The following KHDRBS2 variants were observed in gnomAD, a reference collection of about 807,000 sequenced individuals.
KHDRBS2 encodes the protein KH domain-containing, RNA-binding, signal transduction-associated protein 2.
A neutral mutation model predicts 44.3 loss-of-function variants in KHDRBS2; 26 were observed. That is an observed-to-expected ratio of 0.59 (90% CI 0.43 to 0.81). The LOEUF is 0.81. KHDRBS2 is among the 40% of genes least tolerant of loss of function. KHDRBS2 has a pLI of 0.00. For missense variants in KHDRBS2, 476 were observed against 433.1 expected, an observed-to-expected ratio of 1.10 and a Z score of -0.88; for synonymous variants, 194 against 151.1, an observed-to-expected ratio of 1.28 and a Z score of -2.08.
chr6:61,711,950 C>T (rs538097568), intron 7 of KHDRBS2, among the ~76,000 whole-genome samples: 64 of 151,800 alleles, frequency 4.2e-4, no homozygotes, highest in African/African-American at 1.2e-3. Flanking sequence ...CTTTTGGTTT[C>T]GCTGGAAGTT....
intron 4 of KHDRBS2, among the ~76,000 whole-genome samples, chr6:61,967,031 A>G (rs1158067129): frequency 2.6e-5 from 4 of 151,820 alleles, no homozygotes; most frequent in African/African-American, 9.7e-5. Flanking sequence ...AAAATTATGT[A>G]TATTTTTAAC....
At chr6:61,770,061 T>C (rs1299399552) in intron 6 of KHDRBS2, among the ~76,000 whole-genome samples, 1 of 152,142 alleles carries the variant, frequency 6.6e-6, no homozygotes, top group African/African-American at 2.4e-5. Flanking sequence ...CCGCTGCTGA[T>C]ACCCAGGCAA....
chr6:62,083,413 C>T (rs1016789417), intron 2 of KHDRBS2, among the ~76,000 whole-genome samples: 1 of 152,164 alleles, frequency 6.6e-6, no homozygotes, highest in Non-Finnish European at 1.5e-5. Flanking sequence ...TTCATTTGTG[C>T]AACCTGATTC....
intron 6 of KHDRBS2, among the ~76,000 whole-genome samples, chr6:61,842,760 T>G (rs1017291362): frequency 1.3e-5 from 2 of 152,074 alleles, no homozygotes; most frequent in African/African-American, 4.8e-5. Context: ...ACACAAAATC[T>G]TGTACACAAA....
At chr6:61,952,061 T>G (rs900445333) in intron 4 of KHDRBS2, among the ~76,000 whole-genome samples, 2 of 152,092 alleles carry the variant, frequency 1.3e-5, no homozygotes, top group Admixed American at 1.3e-4. Flanking sequence ...CTGTATTTAT[T>G]TGATGATAAT....
At chr6:61,975,551 C>G (rs1228578483) in intron 4 of KHDRBS2, among the ~76,000 whole-genome samples, 1 of 151,896 alleles carries the variant, frequency 6.6e-6, no homozygotes. Flanking sequence ...AAATTTATGA[C>G]TTTCATTGAT....
chr6:61,773,161 T>A (rs994217593), intron 6 of KHDRBS2, among the ~76,000 whole-genome samples: 1 of 152,018 alleles, frequency 6.6e-6, no homozygotes, highest in African/African-American at 2.4e-5. Context: ...TACCCAGTAA[T>A]GGGATGGCTG....
chr6:61,745,388 T>C (rs1203294973), intron 6 of KHDRBS2, among the ~76,000 whole-genome samples: 1 of 152,194 alleles, frequency 6.6e-6, no homozygotes, highest in Non-Finnish European at 1.5e-5. Flanking sequence ...ACCCAGTTAA[T>C]GAACAGAACT....
chr6:61,555,490 C>T, the KHDRBS2 span, among the ~76,000 whole-genome samples: 9 of 152,118 alleles, frequency 5.9e-5, no homozygotes, highest in Non-Finnish European at 1.3e-4. Context: ...TTTCTATCTT[C>T]TGAATTCTAT....
intron 3 of KHDRBS2, among the ~76,000 whole-genome samples, chr6:62,041,471 C>T (rs1344724255): frequency 6.6e-6 from 1 of 152,030 alleles, no homozygotes; most frequent in Non-Finnish European, 1.5e-5. Flanking sequence ...TTTCTATTTT[C>T]ATACATTCTT....
chr6:62,083,229 G>A (rs532753776), intron 2 of KHDRBS2, among the ~76,000 whole-genome samples: 1 of 152,060 alleles, frequency 6.6e-6, no homozygotes, highest in Non-Finnish European at 1.5e-5. Flanking sequence ...CTTAACATCG[G>A]TGAGAAGCAG....
At chr6:62,238,581 T>C (rs1207541574) in intron 1 of KHDRBS2, among the ~76,000 whole-genome samples, 1 of 152,098 alleles carries the variant, frequency 6.6e-6, no homozygotes, top group African/African-American at 2.4e-5. Flanking sequence ...TGTGAAAACA[T>C]GTAATTATTA....
the KHDRBS2 span, among the ~76,000 whole-genome samples, chr6:61,664,326 G>T: frequency 6.6e-6 from 1 of 151,668 alleles, no homozygotes; most frequent in African/African-American, 2.4e-5. Flanking sequence ...GGATATAGCA[G>T]TATTATATTT....
At chr6:62,065,812 C>G (rs1793532430) in intron 2 of KHDRBS2, among the ~76,000 whole-genome samples, 1 of 150,566 alleles carries the variant, frequency 6.6e-6, no homozygotes, top group South Asian at 2.1e-4. Context: ...CATGTTTTAC[C>G]AAAATAACAA....
intron 2 of KHDRBS2, among the ~76,000 whole-genome samples, chr6:62,070,256 G>A (rs1373546939): frequency 6.6e-6 from 1 of 151,092 alleles, no homozygotes; most frequent in Non-Finnish European, 1.5e-5. Flanking sequence ...TTGATATATA[G>A]TTTTCTTTTT....
intron 2 of KHDRBS2, among the ~76,000 whole-genome samples, chr6:62,153,314 T>C (rs964703809): frequency 1.3e-5 from 2 of 152,138 alleles, no homozygotes; most frequent in African/African-American, 2.4e-5. Flanking sequence ...TGTCTGTTTA[T>C]TGTAAAATAA....
At chr6:61,964,610 G>T (rs1362442583) in intron 4 of KHDRBS2, among the ~76,000 whole-genome samples, 1 of 152,030 alleles carries the variant, frequency 6.6e-6, no homozygotes, top group Non-Finnish European at 1.5e-5. Context: ...TATTGCTTGT[G>T]ATTTGATTTT....
chr6:61,632,836 T>G, the KHDRBS2 span, among the ~76,000 whole-genome samples: 5 of 152,230 alleles, frequency 3.3e-5, no homozygotes, highest in African/African-American at 1.2e-4. Context: ...AGTTTTCCCA[T>G]ACATGAAGGG....
chr6:61,808,888 AT>A (rs538055311), intron 6 of KHDRBS2, among the ~76,000 whole-genome samples: 212 of 152,148 alleles, frequency 1.4e-3, no homozygotes, highest in Middle Eastern at 6.8e-3. Flanking sequence ...AAATAATTAT[AT>A]AAAAGGAATA....
Sources: gnomAD v4.1 joint callset for allele counts (sites outside exome capture counted in the v4.1 genomes callset) on GRCh38, gnomAD v4.1.1 for gene constraint, MANE v1.5 for transcripts, NCBI Gene and HGNC (gene_info 2026-07-23, HGNC 2026-07-21) for gene names.